The following BASP1 variants were observed in gnomAD, a reference collection of about 807,000 sequenced individuals.
BASP1 encodes the protein brain acid soluble protein 1.
Under a neutral mutation model 2.2 loss-of-function variants are expected in BASP1, and 1 was observed. The ratio of observed to expected loss-of-function variants is 0.46; its 90% CI spans 0.16 to 2.17. The LOEUF is 2.17. Ranked by LOEUF, BASP1 falls within the 30% of genes most tolerant of loss-of-function variation. The probability of loss-of-function intolerance (pLI) is 0.27; values close to 1 mark genes in which losing one functional copy is unlikely to be tolerated. For missense variants in BASP1, 352 were observed against 327.2 expected, an observed-to-expected ratio of 1.08 and a Z score of -0.58; for synonymous variants, 187 against 154.2, an observed-to-expected ratio of 1.21 and a Z score of -1.58.
intron 1 of BASP1, among the ~76,000 whole-genome samples, chr5:17,240,244 T>C (rs1303048651): frequency 6.6e-6 from 1 of 151,860 alleles, no homozygotes; most frequent in Non-Finnish European, 1.5e-5. Flanking sequence ...GGCAACAGAG[T>C]GAGGCTCTGG....
intron 1 of BASP1, among the ~76,000 whole-genome samples, chr5:17,272,398 A>C: frequency 6.6e-6 from 1 of 152,286 alleles, no homozygotes; most frequent in African/African-American, 2.4e-5. Flanking sequence ...GCCTTTGCTC[A>C]TAGTACAGCT....
At chr5:17,267,814 GC>G (rs1296706704) in intron 1 of BASP1, among the ~76,000 whole-genome samples, 7 of 39,884 alleles carry the variant, frequency 1.8e-4, no homozygotes, top group African/African-American at 8.9e-4. Flanking sequence ...ACCGCTCCCA[GC>G]CCTTTTTTTT....
At chr5:17,271,221 C>G (rs1487679834) in intron 1 of BASP1, among the ~76,000 whole-genome samples, 1 of 152,178 alleles carries the variant, frequency 6.6e-6, no homozygotes, top group Non-Finnish European at 1.5e-5. Context: ...TCACTGCAAC[C>G]TCTGCCTCCC....
At chr5:17,256,369 G>T (rs1448538218) in intron 1 of BASP1, among the ~76,000 whole-genome samples, 1 of 152,198 alleles carries the variant, frequency 6.6e-6, no homozygotes, top group East Asian at 1.9e-4. Flanking sequence ...GTTTTCCTAT[G>T]ATGTAGAATG....
intron 1 of BASP1, among the ~76,000 whole-genome samples, chr5:17,255,019 G>T (rs961515195): frequency 6.6e-6 from 1 of 152,164 alleles, no homozygotes; most frequent in South Asian, 2.1e-4. Context: ...ACTGACGAAG[G>T]TGTAGCTTTG....
At position 17,238,758 on chromosome 5, in the gene BASP1, G is replaced by A. The variant is rs534073378; in HGVS notation, c.-10+20948G>A. On this transcript the variant is annotated intron_variant, in intron 1 of 1. Transcript: ENST00000322611. The stretch of plus-strand genomic sequence containing the variant: ...ATCAATTATATGACTATTTAAACAT[G>A]ACTCATAGTGAACTGTATTTAAATA... 1.5e-4 allele frequency among the ~76,000 whole-genome samples: 23 copies of A among 152,284 alleles called. 1 individual carries two copies. The South Asian group carries it at 2.7e-3, about 18-fold the overall frequency.
chr5:17,243,152 C>CT lies in BASP1; in HGVS notation c.-10+25356dup, dbSNP rs538259932. ...AAAGCCACTGAGACTTAAATTCTTGCTTTTTTTTTTTTTTAAGAGGGAGTC... is the reference window on the plus strand; with the variant it reads ...AAAGCCACTGAGACTTAAATTCTTGCTTTTTTTTTTTTTTTAAGAGGGAGTC... On this transcript the variant is annotated intron_variant, in intron 1 of 1. Transcript: ENST00000322611. Among the ~76,000 whole-genome samples, 1,028 of 141,648 alleles carry CT rather than the reference C, an allele frequency of 7.3e-3. 11 individuals are homozygous for CT. The highest frequency in any genetic ancestry group is 0.023 in the African/African-American group (904 of 38,582). The allele number at this position is 141,648 out of a possible 152,430, so 92.9% of individuals were successfully genotyped here. A position where few individuals can be genotyped will look rare whatever the true frequency, so the allele number is the denominator to read the frequency against.
At chr5:17,261,266 GT>G (rs1561174849) in intron 1 of BASP1, among the ~76,000 whole-genome samples, 1 of 152,162 alleles carries the variant, frequency 6.6e-6, no homozygotes, top group Non-Finnish European at 1.5e-5. Context: ...TAGCAAGCCT[GT>G]TTGCTTTACT....
intron 1 of BASP1, among the ~76,000 whole-genome samples, chr5:17,261,853 G>A (rs1740321456): frequency 6.6e-6 from 1 of 152,116 alleles, no homozygotes; most frequent in Non-Finnish European, 1.5e-5. Flanking sequence ...AACACTCTCT[G>A]GTATTGACCA....
intron 1 of BASP1, among the ~76,000 whole-genome samples, chr5:17,262,916 G>A (rs566593608): frequency 4.6e-4 from 70 of 151,140 alleles, no homozygotes; most frequent in African/African-American, 1.6e-3. Flanking sequence ...GCACGATCTC[G>A]GCTCACTGCA....
chr5:17,229,927 C>T (rs1010691695), intron 1 of BASP1, among the ~76,000 whole-genome samples: 6 of 151,830 alleles, frequency 4.0e-5, no homozygotes, highest in South Asian at 2.1e-4. Flanking sequence ...GGATTATAGG[C>T]GTGTGCCACC....
At chr5:17,241,914 A>T (rs1189246163) in intron 1 of BASP1, among the ~76,000 whole-genome samples, 1 of 152,220 alleles carries the variant, frequency 6.6e-6, no homozygotes, top group Non-Finnish European at 1.5e-5. Flanking sequence ...AAACTTCAGC[A>T]TTTAATTAAA....
At chr5:17,271,279 G>A (rs1386189495) in intron 1 of BASP1, among the ~76,000 whole-genome samples, 5 of 152,100 alleles carry the variant, frequency 3.3e-5, no homozygotes, top group Admixed American at 1.3e-4. Flanking sequence ...GCACCACCAC[G>A]CCTGGCTAAT....
At chr5:17,255,103 C>G (rs1415616764) in intron 1 of BASP1, among the ~76,000 whole-genome samples, 1 of 151,860 alleles carries the variant, frequency 6.6e-6, no homozygotes, top group East Asian at 1.9e-4. Flanking sequence ...TTATTTGGAC[C>G]CATTGTTCCA....
At chr5:17,231,868 G>A (rs1050991107) in intron 1 of BASP1, among the ~76,000 whole-genome samples, 8 of 152,160 alleles carry the variant, frequency 5.3e-5, no homozygotes, top group Admixed American at 3.9e-4. Flanking sequence ...CCCCATGTCT[G>A]TTCAGTGTTG....
upstream of BASP1, chr5:17,217,454 G>C (rs1306202175): frequency 8.8e-6 from 1 of 113,112 alleles, no homozygotes; most frequent in Non-Finnish European, 1.9e-5. Context: ...GATGGAGCTG[G>C]AGGGGGTGGA....
At position 17,275,290 on chromosome 5, in the gene BASP1, A is replaced by C; in HGVS notation, c.74A>C (p.Lys25Thr). Residue 25 changes from lysine to threonine, a missense_variant, in exon 2 of 2, where the codon AAG (lysine) becomes ACG (threonine). By Grantham distance (78) the Lys-to-Thr change is moderately conservative. Transcript: ENST00000322611. This position sits in a 1 kb window ranked among gnomAD's most constrained non-coding sequence, Gnocchi z 5.3. ...NDEKAKEKDK[K>T]AEGAATEEEG... The stretch of plus-strand genomic sequence containing the variant: ...GAGAAAGCCAAGGAGAAAGACAAGA[A>C]GGCCGAGGGCGCGGCGACGGAAGAG... The C allele has an allele frequency of 6.2e-7, 1 of 1,613,990 alleles. No homozygotes were observed. The highest frequency in any genetic ancestry group is 8.5e-7 in the Non-Finnish European group (1 of 1,179,984).
chr5:17,254,043 T>C (rs1434608934), intron 1 of BASP1, among the ~76,000 whole-genome samples: 4 of 152,158 alleles, frequency 2.6e-5, no homozygotes, highest in African/African-American at 9.7e-5. Flanking sequence ...CCATTTGTAC[T>C]ATACTTGAGT....
intron 1 of BASP1, among the ~76,000 whole-genome samples, chr5:17,258,906 A>G (rs967581169): frequency 6.6e-6 from 1 of 152,194 alleles, no homozygotes; most frequent in African/African-American, 2.4e-5. Context: ...TGCTTGAGAA[A>G]TCTGGGGAGA....
Sources: gnomAD v4.1 joint callset for allele counts (sites outside exome capture counted in the v4.1 genomes callset) on GRCh38, gnomAD v4.1.1 for gene constraint, Gnocchi (gnomAD v3.1) non-coding constraint, MANE v1.5 for transcripts, NCBI Gene and HGNC (gene_info 2026-07-23, HGNC 2026-07-21) for gene names.